The following EPM2A variants were observed in gnomAD, a reference collection of about 807,000 sequenced individuals.
EPM2A encodes EPM2A glucan phosphatase, laforin.
Under a neutral mutation model 26.5 loss-of-function variants are expected in EPM2A, and 21 were observed. That is an observed-to-expected ratio of 0.79 (90% CI 0.56 to 1.14). The LOEUF is 1.14. EPM2A is among the 50% of genes most tolerant of loss of function. The pLI is 0.00. For missense variants in EPM2A, 458 were observed against 440.8 expected (o/e 1.04, Z -0.35); for synonymous variants, 217 against 177.6 (o/e 1.22, Z -1.76).
At position 145,501,810 on chromosome 6, in the gene EPM2A, CTTTTG is replaced by C; in HGVS notation, c.427_431del (p.Gln143ValfsTer33). 2 of 471,080 alleles carry C rather than the reference CTTTTG, an allele frequency of 4.2e-6. No homozygotes were observed. The highest frequency in any genetic ancestry group is 8.8e-6 in the Non-Finnish European group (2 of 227,034). 29.2% of individuals were successfully genotyped at this position (471,080 alleles called of 1,614,324 possible). ...AGGTTAGGGAGATATTTGTGTCTTA[CTTTTG>C]TTTTAAGTAATCCAGAATCCCAAGG... is the stretch of plus-strand genomic sequence containing the variant. On this transcript the variant is annotated frameshift_variant, in exon 4 of 4. Transcript: ENST00000450221. LOFTEE classifies it high-confidence loss of function.
At chr6:145,622,355 G>A (rs1775655726), downstream of EPM2A, among the ~76,000 whole-genome samples, 1 of 152,070 alleles carries the variant, frequency 6.6e-6, no homozygotes, top group Admixed American at 6.5e-5. Flanking sequence ...CAATCTGCCT[G>A]GTTTCTTTCA....
rs903151780 is a variant in EPM2A, at chr6:145,735,072, C to A, written c.301+126G>T. 5 of 560,322 alleles carry A rather than the reference C, an allele frequency of 8.9e-6. No homozygotes were observed. In the African/African-American group the frequency reaches 1.0e-4, roughly 11 times the overall value. The allele number at this position is 560,322 out of a possible 1,614,324, so 34.7% of individuals were successfully genotyped here. ...AGGTCGCCCGGGGAGTGCGCAGGGA[C>A]GCGGGCAAAAAGCCCGGGACGCGCG... On this transcript the variant is annotated intron_variant, in intron 1 of 3. Coordinates refer to ENST00000367519, the MANE Select transcript of EPM2A (RefSeq NM_005670.4).
chr6:145,662,021 A>C (rs1164400723), intron 2 of EPM2A, among the ~76,000 whole-genome samples: 1 of 152,224 alleles, frequency 6.6e-6, no homozygotes, highest in African/African-American at 2.4e-5. Flanking sequence ...GATTATTCAG[A>C]GTAAAATTTC....
At chr6:145,435,253 T>C (rs767835318) in intron 4 of EPM2A, among the ~76,000 whole-genome samples, 13 of 152,048 alleles carry the variant, frequency 8.5e-5, no homozygotes, top group Non-Finnish European at 1.8e-4. Flanking sequence ...AATCCTAACA[T>C]ACCCTATAGA....
intron 2 of EPM2A, among the ~76,000 whole-genome samples, chr6:145,554,419 A>AAAT (rs1780695115): frequency 7.1e-6 from 1 of 140,468 alleles, no homozygotes; most frequent in South Asian, 2.4e-4. Context: ...AGAGATAGAT[A>AAAT]GATGATAGAT....
At chr6:145,385,499 TCAAA>T (rs1305777403) in intron 4 of EPM2A, among the ~76,000 whole-genome samples, 2 of 152,328 alleles carry the variant, frequency 1.3e-5, no homozygotes, top group African/African-American at 4.8e-5. Context: ...TTTCATAGAT[TCAAA>T]CAAAGTTACC....
intron 4 of EPM2A, among the ~76,000 whole-genome samples, chr6:145,441,970 T>A (rs184937511): frequency 2.0e-5 from 3 of 152,310 alleles, no homozygotes; most frequent in Admixed American, 2.0e-4. Context: ...TCAGATACCC[T>A]AAATCATCTT....
rs533322512 is a variant in EPM2A, at chr6:145,686,214, G to T, written c.384C>A (p.His128Gln). ...VDGVYCLPIG[H>Q]WIEATGHTNE... is the part of the protein sequence containing the mutation. ...TGGTGTGCCCAGTGGCCTCAATCCAGTGTCCTATTGGGAGACAATACACAC... is the reference window on the plus strand; with the variant it reads ...TGGTGTGCCCAGTGGCCTCAATCCATTGTCCTATTGGGAGACAATACACAC... Residue 128 changes from histidine to glutamine, a missense_variant, in exon 2 of 4, where the codon CAC becomes CAA. Transcript: ENST00000367519. 6.2e-7 allele frequency: 1 copy of T among 1,613,690 alleles called. No individual in the cohort carries two copies. The highest frequency in any genetic ancestry group is 1.1e-5 in the South Asian group (1 of 91,080).
chr6:145,654,276 G>A (rs1778100483), intron 2 of EPM2A, among the ~76,000 whole-genome samples: 1 of 151,904 alleles, frequency 6.6e-6, no homozygotes, highest in Admixed American at 6.6e-5. Context: ...TCTGCCTTCG[G>A]GTTCAAGCAA....
At chr6:145,678,879 A>C (rs1186786027) in intron 2 of EPM2A, among the ~76,000 whole-genome samples, 2 of 152,144 alleles carry the variant, frequency 1.3e-5, no homozygotes, top group Non-Finnish European at 2.9e-5. Flanking sequence ...ATACCATTTG[A>C]CCCAGTGATC....
chr6:145,621,903 G>A (rs117779809), downstream of EPM2A, among the ~76,000 whole-genome samples: 623 of 152,112 alleles, frequency 4.1e-3, 18 homozygotes, highest in East Asian at 0.07. Context: ...CTTTTCATTT[G>A]TTTTCTTGTT....
At chr6:145,715,939 G>T (rs1279210598) in intron 1 of EPM2A, among the ~76,000 whole-genome samples, 1 of 152,174 alleles carries the variant, frequency 6.6e-6, no homozygotes, top group East Asian at 1.9e-4. Context: ...CACAATAAAT[G>T]TAATGTGCTT....
At chr6:145,680,003 T>C (rs1780383147) in intron 2 of EPM2A, 1 of 152,162 alleles carries the variant, frequency 6.6e-6, no homozygotes, top group Non-Finnish European at 1.5e-5. Flanking sequence ...GATATTCATA[T>C]TTCAAGTTGT....
chr6:145,511,276 G>A (rs116136413), intron 2 of EPM2A, among the ~76,000 whole-genome samples: 17 of 152,130 alleles, frequency 1.1e-4, no homozygotes, highest in African/African-American at 3.4e-4. Context: ...TCATCCTGAC[G>A]TCAAAATCTT....
intron 4 of EPM2A, among the ~76,000 whole-genome samples, chr6:145,411,297 A>G (rs1329360621): frequency 6.6e-6 from 1 of 152,178 alleles, no homozygotes; most frequent in East Asian, 1.9e-4. Flanking sequence ...TTATTTTTGA[A>G]CTGATACATA....
chr6:145,491,439 C>A (rs1203892086), intron 4 of EPM2A, among the ~76,000 whole-genome samples: 1 of 152,132 alleles, frequency 6.6e-6, no homozygotes, highest in Non-Finnish European at 1.5e-5. Context: ...CCCAGCTGGA[C>A]TCCTTTCTAA....
intron 2 of EPM2A, among the ~76,000 whole-genome samples, chr6:145,536,277 G>GGT (rs1562373862): frequency 4.5e-4 from 22 of 49,356 alleles, no homozygotes; most frequent in Admixed American, 3.3e-3. Flanking sequence ...TTTTGTTTTT[G>GGT]TTTTGGTTTT....
intron 4 of EPM2A, among the ~76,000 whole-genome samples, chr6:145,410,411 T>C (rs1158185139): frequency 6.6e-6 from 1 of 152,182 alleles, no homozygotes; most frequent in Non-Finnish European, 1.5e-5. Context: ...TATTGGGAAT[T>C]AGAGTTTAAT....
intron 2 of EPM2A, among the ~76,000 whole-genome samples, chr6:145,508,473 C>T (rs193151758): frequency 2.6e-5 from 4 of 152,134 alleles, no homozygotes; most frequent in Admixed American, 6.5e-5. Flanking sequence ...ACCAAGGAGC[C>T]CTTACAGAGC....
Sources: gnomAD v4.1 joint callset for allele counts (sites outside exome capture counted in the v4.1 genomes callset) on GRCh38, gnomAD v4.1.1 for gene constraint, MANE v1.5 for transcripts, NCBI Gene and HGNC (gene_info 2026-07-23, HGNC 2026-07-21) for gene names.